Variants in SPRYD4 observed in about 807,000 individuals in gnomAD.
SPRYD4 encodes SPRY domain containing 4.
A neutral mutation model predicts 16.6 loss-of-function variants in SPRYD4; 12 were observed. The observed-to-expected ratio is 0.72, with a 90% CI of 0.46 to 1.17. The LOEUF (loss-of-function observed/expected upper bound fraction) is 1.17, where lower values mean the gene tolerates loss of function less well. Among genes scored for constraint, SPRYD4 ranks in the 50% most tolerant of loss-of-function variants. SPRYD4 has a pLI of 0.00. For synonymous variants in SPRYD4, 98 were observed against 105.4 expected (o/e 0.93, Z 0.43); for missense variants, 260 against 260.2 (o/e 1.00, Z 0.00).
rs1282054515 is a variant in SPRYD4 at position 56,478,067 on chromosome 12, A to G, written c.*8490A>G. ...GGGCTTCACACAGGACTGCAGGCAG[A>G]AGGGGATCTTTGTGTGGCCCACAGA... On this transcript the variant is annotated 3_prime_UTR_variant, in exon 2 of 2. Transcript: ENST00000338146. The G allele has an allele frequency of 1.2e-6, 2 of 1,614,184 alleles. No individual in the cohort carries two copies. Among genetic ancestry groups the G allele is most frequent in the Non-Finnish European group, 1.7e-6 (2 of 1,180,008 alleles).
Position 56,479,163 on chromosome 12 carries a change from A to G in SPRYD4, c.*9586A>G, listed in dbSNP as rs779802475. ...TTCGGAATGCCTGGGTCAGGAGCAC[A>G]ATGTTGCTGCTCACACACCTGGATC... On this transcript the variant is annotated 3_prime_UTR_variant, in exon 2 of 2. Transcript: ENST00000338146. 1.5e-5 allele frequency: 24 copies of G among 1,613,706 alleles called. No individual in the cohort carries two copies. The highest frequency in any genetic ancestry group is 1.6e-4 in the Middle Eastern group (1 of 6,080).
In SPRYD4 at chr12:56,476,017, G is replaced by A. The variant is rs1368613866; in HGVS notation, c.*6440G>A. 2 of 1,590,904 alleles carry A rather than the reference G, an allele frequency of 1.3e-6. No individual in the cohort carries two copies. Among genetic ancestry groups the A allele is most frequent in the Admixed American group, 1.7e-5 (1 of 59,872 alleles). ...AGAGATGTCAGCATTCTAAGTGTAG[G>A]AGGATGACAGAGGGAAGGGTCAGAA... On this transcript the variant is annotated 3_prime_UTR_variant, in exon 2 of 2. Coordinates refer to ENST00000338146, the MANE Select transcript of SPRYD4 (RefSeq NM_207344.4).
rs1273283252 is a variant in SPRYD4, at chr12:56,469,036, C to T, written c.86-3C>T. On this transcript the variant is annotated splice_polypyrimidine_tract_variant and splice_region_variant and intron_variant, in intron 1 of 1. Transcript: ENST00000338146. ...TTATCCCGTCTTTTTGCTCTGCCCG[C>T]AGGCGTCAGTTTCAAACTGGAAGAA... is the stretch of plus-strand genomic sequence containing the variant. 3 of 1,554,940 alleles carry T rather than the reference C, an allele frequency of 1.9e-6. No individual in the cohort carries two copies. The highest frequency in any genetic ancestry group is 2.3e-5 in the East Asian group (1 of 44,368).
Position 56,478,620 on chromosome 12 carries a change from A to G in SPRYD4, c.*9043A>G, listed in dbSNP as rs1446175228. 1.1e-5 allele frequency: 3 copies of G among 278,506 alleles called. No homozygotes were observed. Among genetic ancestry groups the G allele is most frequent in the Admixed American group, 4.9e-5 (1 of 20,434 alleles). 17.3% of individuals were successfully genotyped at this position (278,506 alleles called of 1,614,324 possible). A position where few individuals can be genotyped will look rare whatever the true frequency, so the allele number is the denominator to read the frequency against. ...CTCTAGGAATCGTGTATAGAAACAC[A>G]TGAAGCCATGTCACCATTTACAGAA... On this transcript the variant is annotated 3_prime_UTR_variant, in exon 2 of 2. Transcript: ENST00000338146.
chr12:56,468,765 C>G lies in SPRYD4; in HGVS notation c.85+89C>G. ...CACTCCGAGAAGCAACTCCAACCCT[C>G]TCGGGTCTTTTCCTTCCCCACCTGC... On this transcript the variant is annotated intron_variant, in intron 1 of 1. Coordinates refer to ENST00000338146, the MANE Select transcript of SPRYD4 (RefSeq NM_207344.4). The G allele has an allele frequency of 2.8e-6, 4 of 1,416,942 alleles. No homozygotes were observed. The South Asian group carries it at 4.7e-5, about 17-fold the overall frequency. 87.8% of individuals were successfully genotyped at this position (1,416,942 alleles called of 1,614,324 possible).
Position 56,475,688 on chromosome 12 carries a change from A to G in SPRYD4, c.*6111A>G. 1 of 1,614,202 alleles carries G rather than the reference A, an allele frequency of 6.2e-7. No homozygotes were observed. Among genetic ancestry groups the G allele is most frequent in the South Asian group, 1.1e-5 (1 of 91,086 alleles). ...TTGTTGAGATACTGCAACACCTGGA[A>G]GAGAAAAAGGGACATTGAGGCTCCA... On this transcript the variant is annotated 3_prime_UTR_variant, in exon 2 of 2. Transcript: ENST00000338146.
rs1592274980 is a variant in SPRYD4, at chr12:56,474,977, A to G, written c.*5400A>G. 5 of 1,613,380 alleles carry G rather than the reference A, an allele frequency of 3.1e-6. No homozygotes were observed. The highest frequency in any genetic ancestry group is 3.4e-6 in the Non-Finnish European group (4 of 1,179,832). ...GTCAGGGTCTCAGCTGAAGCCCCCA[A>G]CCCCTACTGCCCTTCCACTAGCAGC... On this transcript the variant is annotated 3_prime_UTR_variant, in exon 2 of 2. Coordinates refer to ENST00000338146, the MANE Select transcript of SPRYD4 (RefSeq NM_207344.4).
rs1870129281 is a variant in SPRYD4, at chr12:56,479,693, A to G, written c.*10116A>G. The G allele has an allele frequency of 1.4e-6, 2 of 1,428,194 alleles. No individual in the cohort carries two copies. The highest frequency in any genetic ancestry group is 1.9e-6 in the Non-Finnish European group (2 of 1,070,718). 88.5% of individuals were successfully genotyped at this position (1,428,194 alleles called of 1,614,324 possible). On this transcript the variant is annotated 3_prime_UTR_variant, in exon 2 of 2. Transcript: ENST00000338146. ...AAAATAAAATGAGGAATTGAACTAT[A>G]CAATTCCCAAATTCCTCCCTGCTCT...
Position 56,477,978 on chromosome 12 carries a change from CTT to C in SPRYD4, c.*8403_*8404del. The C allele has an allele frequency of 6.2e-7, 1 of 1,614,222 alleles. No homozygotes were observed. Among genetic ancestry groups the C allele is most frequent in the East Asian group, 2.2e-5 (1 of 44,894 alleles). On this transcript the variant is annotated 3_prime_UTR_variant, in exon 2 of 2. Transcript: ENST00000338146. ...TTGTTGTAGCGCAGGCCACTTGGCT[CTT>C]TGCCCACAAACTTGTGCACGTAGTC...
At position 56,474,992 on chromosome 12, in the gene SPRYD4, C is replaced by T; in HGVS notation, c.*5415C>T. ...GAAGCCCCCAACCCCTACTGCCCTT[C>T]CACTAGCAGCAGAATTCCCAGGGAC... On this transcript the variant is annotated 3_prime_UTR_variant, in exon 2 of 2. Transcript: ENST00000338146. The T allele has an allele frequency of 1.2e-6, 2 of 1,613,944 alleles. No homozygotes were observed. Among genetic ancestry groups the T allele is most frequent in the Non-Finnish European group, 1.7e-6 (2 of 1,180,008 alleles).
chr12:56,476,457 T>G lies in SPRYD4; in HGVS notation c.*6880T>G, dbSNP rs898869523. The G allele has an allele frequency of 1.7e-5, 3 of 174,316 alleles. No individual in the cohort carries two copies. The highest frequency in any genetic ancestry group is 7.2e-5 in the African/African-American group (3 of 41,688). 10.8% of individuals were successfully genotyped at this position (174,316 alleles called of 1,614,324 possible). A position where few individuals can be genotyped will look rare whatever the true frequency, so the allele number is the denominator to read the frequency against. ...CATTCCTTACACCCCATGCTGGAGC[T>G]TTACTCCATCCCATTGGCCAGCATG... On this transcript the variant is annotated 3_prime_UTR_variant, in exon 2 of 2. Transcript: ENST00000338146.
chr12:56,478,565 G>A lies in SPRYD4; in HGVS notation c.*8988G>A. 1 of 358,444 alleles carries A rather than the reference G, an allele frequency of 2.8e-6. No homozygotes were observed. Among genetic ancestry groups the A allele is most frequent in the South Asian group, 3.3e-5 (1 of 30,256 alleles). The allele number at this position is 358,444 out of a possible 1,614,324, so 22.2% of individuals were successfully genotyped here. The stretch of plus-strand genomic sequence containing the variant: ...CAGTTACCCTATAAATCCCTTTGAA[G>A]GCTCTATTCGATCTTGATTCCCTCA... On this transcript the variant is annotated 3_prime_UTR_variant, in exon 2 of 2. Transcript: ENST00000338146.
Position 56,472,311 on chromosome 12 carries a change from C to G in SPRYD4, c.*2734C>G. ...CAGAGAAAGTGAAACAGCCTATAGC[C>G]AGATTTGTTGGCTCTGAATAATCTT... On this transcript the variant is annotated 3_prime_UTR_variant, in exon 2 of 2. Transcript: ENST00000338146. 1 of 882,722 alleles carries G rather than the reference C, an allele frequency of 1.1e-6. No individual in the cohort carries two copies. Among genetic ancestry groups the G allele is most frequent in the South Asian group, 1.5e-5 (1 of 68,870 alleles). 54.7% of individuals were successfully genotyped at this position (882,722 alleles called of 1,614,324 possible). A position where few individuals can be genotyped will look rare whatever the true frequency, so the allele number is the denominator to read the frequency against.
chr12:56,474,969 A>C lies in SPRYD4; in HGVS notation c.*5392A>C. On this transcript the variant is annotated 3_prime_UTR_variant, in exon 2 of 2. Transcript: ENST00000338146. ...TTCACACTGTCAGGGTCTCAGCTGA[A>C]GCCCCCAACCCCTACTGCCCTTCCA... The C allele has an allele frequency of 6.2e-7, 1 of 1,613,786 alleles. No individual in the cohort carries two copies. Among genetic ancestry groups the C allele is most frequent in the Admixed American group, 1.7e-5 (1 of 60,006 alleles).
Position 56,475,760 on chromosome 12 carries a change from C to T in SPRYD4, c.*6183C>T. Reference sequence around the variant, plus strand: ...ATACCTCACAGGTTGACTAGCCCTTCTGAACTCAGGTCTTGTCAAGAGGCT... The same window carrying T: ...ATACCTCACAGGTTGACTAGCCCTTTTGAACTCAGGTCTTGTCAAGAGGCT... On this transcript the variant is annotated 3_prime_UTR_variant, in exon 2 of 2. Coordinates refer to ENST00000338146, the MANE Select transcript of SPRYD4 (RefSeq NM_207344.4). The T allele has an allele frequency of 6.6e-7, 1 of 1,518,060 alleles. No homozygotes were observed. The highest frequency in any genetic ancestry group is 1.1e-5 in the South Asian group (1 of 88,482). The allele number at this position is 1,518,060 out of a possible 1,614,324, so 94.0% of individuals were successfully genotyped here.
In SPRYD4 at chr12:56,474,507, G is replaced by A. The variant is rs774278224; in HGVS notation, c.*4930G>A. 21 of 1,611,072 alleles carry A rather than the reference G, an allele frequency of 1.3e-5. No individual in the cohort carries two copies. In the East Asian group the frequency reaches 4.7e-4, roughly 36 times the overall value. The stretch of plus-strand genomic sequence containing the variant: ...TCAGTGTTCTCTCTTCTTAGCACTG[G>A]GCTCATGACAGATGGATAGCAGAGC... On this transcript the variant is annotated 3_prime_UTR_variant, in exon 2 of 2. Transcript: ENST00000338146.
In SPRYD4 at chr12:56,472,728, T is replaced by C. The variant is rs1370006183; in HGVS notation, c.*3151T>C. ...AGACATCGCCACTATAGGCAGCAAA[T>C]AACAGGTTGACCACAGTCTTGTTCT... is the stretch of plus-strand genomic sequence containing the variant. On this transcript the variant is annotated 3_prime_UTR_variant, in exon 2 of 2. Coordinates refer to ENST00000338146, the MANE Select transcript of SPRYD4 (RefSeq NM_207344.4). 1 of 1,613,690 alleles carries C rather than the reference T, an allele frequency of 6.2e-7. No homozygotes were observed. The highest frequency in any genetic ancestry group is 8.5e-7 in the Non-Finnish European group (1 of 1,179,916).
rs1869100844 is a variant in SPRYD4 at position 56,468,662 on chromosome 12, C to G, written c.71C>G (p.Thr24Arg). The G allele has an allele frequency of 1.2e-6, 2 of 1,613,948 alleles. No individual in the cohort carries two copies. The highest frequency in any genetic ancestry group is 1.7e-6 in the Non-Finnish European group (2 of 1,179,756). The change falls in exon 1 of 2, where the codon ACA (threonine) becomes AGA (arginine). Residue 24 changes from threonine to arginine, a missense_variant. Transcript: ENST00000338146. Reference protein sequence around the residue: ...WGAKRLGVASTEAQRGVSFKL... With the variant: ...WGAKRLGVASREAQRGVSFKL... ...GCCAAACGATTGGGAGTTGCCTCCACAGAGGCCCAGAGAGGTAGGATTATC... is the reference window on the plus strand; with the variant it reads ...GCCAAACGATTGGGAGTTGCCTCCAGAGAGGCCCAGAGAGGTAGGATTATC...
At position 56,478,497 on chromosome 12, in the gene SPRYD4, A is replaced by G. The variant is rs997510735; in HGVS notation, c.*8920A>G. On this transcript the variant is annotated 3_prime_UTR_variant, in exon 2 of 2. Transcript: ENST00000338146. ...GCAGTAAAGCCAATGGAAGTTAAAA[A>G]AGGAGAATTCTGAGGCAACCTTCCC... 11 of 520,564 alleles carry G rather than the reference A, an allele frequency of 2.1e-5. No individual in the cohort carries two copies. The highest frequency in any genetic ancestry group is 1.7e-4 in the African/African-American group (9 of 52,236). The allele number at this position is 520,564 out of a possible 1,614,324, so 32.2% of individuals were successfully genotyped here.
Sources: allele counts gnomAD v4.1 joint callset, GRCh38; gene constraint gnomAD v4.1.1; transcripts MANE v1.5; gene names NCBI Gene and HGNC (gene_info 2026-07-23, HGNC 2026-07-21).